The following SH3D21 variants were observed in gnomAD, a reference collection of about 807,000 sequenced individuals.
SH3D21 encodes SH3 domain-containing protein 21.
A neutral mutation model predicts 82.1 loss-of-function variants in SH3D21; 83 were observed. The observed-to-expected ratio is 1.01, with a 90% CI of 0.85 to 1.21. The LOEUF (loss-of-function observed/expected upper bound fraction) is 1.21, where lower values mean the gene tolerates loss of function less well. SH3D21 is among the 50% of genes most tolerant of loss of function. The pLI is 0.00. For synonymous variants in SH3D21, 383 were observed against 387.8 expected (o/e 0.99, Z 0.15); for missense variants, 980 against 962.1 (o/e 1.02, Z -0.25).
intron 10 of SH3D21, among the ~76,000 whole-genome samples, chr1:36,313,042 G>A (rs891593966): frequency 6.6e-6 from 1 of 152,014 alleles, no homozygotes; most frequent in African/African-American, 2.4e-5. Flanking sequence ...AGATGGGAAT[G>A]GGCCAGGCTT....
chr1:36,322,574 C>A, downstream of SH3D21: 1 of 1,584,606 alleles, frequency 6.3e-7, no homozygotes, highest in East Asian at 2.3e-5. Flanking sequence ...CCTCGGGCTC[C>A]AGGGTGCTGC....
intron 10 of SH3D21, among the ~76,000 whole-genome samples, chr1:36,314,643 G>GA (rs1407483969): frequency 1.3e-5 from 2 of 151,880 alleles, no homozygotes; most frequent in African/African-American, 4.8e-5. Flanking sequence ...TTTTAGTAGA[G>GA]ATGGGGTTTT....
chr1:36,307,560 GA>G lies in SH3D21; in HGVS notation c.390del (p.Ala131ProfsTer35), dbSNP rs1390824429. The part of the protein sequence containing the change: ...WWLGKKNGQL[G>X]AFPSNFVELL... ...CTGGGGAAGAAGAACGGGCAGCTGG[GA>G]GCCTTCCCATCCAACTTTGTGGAAT... On this transcript the variant is annotated frameshift_variant, in exon 5 of 16. Coordinates refer to ENST00000453908, the MANE Select transcript of SH3D21 (RefSeq NM_001162530.2). LOFTEE classifies it high-confidence loss of function. This position sits in a 1 kb window ranked among gnomAD's most constrained non-coding sequence, Gnocchi z 5.4. 6.4e-7 allele frequency: 1 copy of G among 1,551,672 alleles called. No homozygotes were observed. Among genetic ancestry groups the G allele is most frequent in the Non-Finnish European group, 8.7e-7 (1 of 1,146,986 alleles).
chr1:36,310,935 GTC>G (rs1440933973), intron 10 of SH3D21, among the ~76,000 whole-genome samples: 1 of 151,986 alleles, frequency 6.6e-6, no homozygotes, highest in Non-Finnish European at 1.5e-5. Context: ...TGGAGACAGA[GTC>G]TCTCTCTGTT....
At chr1:36,322,768 TG>T (rs1646489932), downstream of SH3D21, 4 of 1,530,160 alleles carry the variant, frequency 2.6e-6, no homozygotes, top group East Asian at 4.9e-5. Flanking sequence ...CCCGGACGGG[TG>T]GGGGTTGTCC....
Position 36,307,027 on chromosome 1 carries a change from CTG to C in SH3D21, c.226+125_226+126del. ...CGGGACCTCGGGGCCGCCCTGCGGT[CTG>C]TGATTGGTTCTCGAGTGCAATGCTC... On this transcript the variant is annotated intron_variant, in intron 3 of 15. Coordinates refer to ENST00000453908, the MANE Select transcript of SH3D21 (RefSeq NM_001162530.2). The surrounding 1 kb of genome is among the most constrained non-coding windows in gnomAD (Gnocchi z 5.4). 1 of 1,443,208 alleles carries C rather than the reference CTG, an allele frequency of 6.9e-7. No individual in the cohort carries two copies. Among genetic ancestry groups the C allele is most frequent in the Non-Finnish European group, 9.1e-7 (1 of 1,094,494 alleles). The allele number at this position is 1,443,208 out of a possible 1,614,324, so 89.4% of individuals were successfully genotyped here.
rs1038667705 is a variant in SH3D21 at position 36,319,959 on chromosome 1, C to A, written c.1296C>A (p.Ser432=). 2.5e-6 allele frequency: 4 copies of A among 1,614,128 alleles called. No individual in the cohort carries two copies. The highest frequency in any genetic ancestry group is 3.4e-6 in the Non-Finnish European group (4 of 1,180,036). The change falls in exon 14 of 16, where the codon TCC becomes TCA. Residue 432 remains serine (S), a synonymous_variant. Coordinates refer to ENST00000453908, the MANE Select transcript of SH3D21 (RefSeq NM_001162530.2). ...PEDKASIPEN[S]IIPEETLTVD... The stretch of plus-strand genomic sequence containing the variant: ...ACAAGGCTTCTATCCCAGAGAACTC[C>A]ATCATCCCAGAGGAGACCCTGACTG...
At chr1:36,321,459 GC>G, downstream of SH3D21, 1 of 1,055,952 alleles carries the variant, frequency 9.5e-7, no homozygotes, top group Non-Finnish European at 1.2e-6. This position sits in a 1 kb window ranked among gnomAD's most constrained non-coding sequence, Gnocchi z 6.1. Flanking sequence ...AGGGGCCCAG[GC>G]GGGGTCGGGC....
chr1:36,314,348 A>C (rs561260064), intron 10 of SH3D21, among the ~76,000 whole-genome samples: 1 of 152,048 alleles, frequency 6.6e-6, no homozygotes, highest in East Asian at 1.9e-4. Flanking sequence ...CCATTTAAAA[A>C]ATTGGATTAT....
In SH3D21 at chr1:36,309,574, G is replaced by A. The variant is rs1206949701; in HGVS notation, c.753G>A (p.Val251=). The A allele has an allele frequency of 2.6e-6, 4 of 1,551,656 alleles. No homozygotes were observed. The highest frequency in any genetic ancestry group is 3.5e-6 in the Non-Finnish European group (4 of 1,146,964). Residue 251 remains valine, a synonymous_variant, in exon 10 of 16, where the codon GTG becomes GTA. Coordinates refer to ENST00000453908, the MANE Select transcript of SH3D21 (RefSeq NM_001162530.2). ...PPIKKLVPRK[V]VSRESAPIKE... ...TCAAGAAGCTGGTCCCACGGAAAGT[G>A]GTATCTCGGGAATCAGGTGAGTGCC...
Position 36,321,066 on chromosome 1 carries a change from T to G in SH3D21, c.2210T>G (p.Met737Arg). The change falls in exon 16 of 16, where the codon ATG becomes AGG. Residue 737 changes from methionine (M) to arginine (R), a missense_variant. Physicochemically the swap from Met to Arg is moderately conservative, Grantham distance 91 (BLOSUM62 -1). Transcript: ENST00000453908. This position sits in a 1 kb window ranked among gnomAD's most constrained non-coding sequence, Gnocchi z 6.1. Reference sequence around the variant, plus strand: ...CTCACTCCCGACCAGGTCCAGGTGATGCAGGGGACCCAGAAGTCCCAGACC... The same window carrying G: ...CTCACTCCCGACCAGGTCCAGGTGAGGCAGGGGACCCAGAAGTCCCAGACC... The part of the protein sequence containing the change: ...EQRRRLEVQV[M>R]QGTQKSQTPR... The G allele has an allele frequency of 6.2e-7, 1 of 1,611,948 alleles. No individual in the cohort carries two copies. The highest frequency in any genetic ancestry group is 8.5e-7 in the Non-Finnish European group (1 of 1,179,326).
intron 10 of SH3D21, among the ~76,000 whole-genome samples, chr1:36,313,972 C>CTTTTTTTTTTTTTTTTTTTGTTT (rs1646291919): frequency 2.7e-5 from 1 of 36,784 alleles, no homozygotes; most frequent in African/African-American, 7.5e-5. Flanking sequence ...AACATATTTT[C>CTTTTTTTTTTTTTTTTTTTGTTT]TTTTTTTTTT....
chr1:36,315,241 A>C (rs1157710775), intron 10 of SH3D21, among the ~76,000 whole-genome samples: 3 of 151,550 alleles, frequency 2.0e-5, no homozygotes, highest in African/African-American at 7.3e-5. Context: ...ACGCCACTGC[A>C]CTCCAGCCTA....
intron 10 of SH3D21, among the ~76,000 whole-genome samples, chr1:36,315,222 G>C (rs1646320800): frequency 6.6e-6 from 1 of 151,754 alleles, no homozygotes; most frequent in South Asian, 2.1e-4. Flanking sequence ...GTTGTAGTGA[G>C]CCAAGATCAC....
chr1:36,321,180 C>G lies in SH3D21; in HGVS notation c.*53C>G. On this transcript the variant is annotated 3_prime_UTR_variant, in exon 16 of 16. Coordinates refer to ENST00000453908, the MANE Select transcript of SH3D21 (RefSeq NM_001162530.2). The surrounding 1 kb of genome is among the most constrained non-coding windows in gnomAD (Gnocchi z 6.1). The stretch of plus-strand genomic sequence containing the variant: ...TGACCTGGCTGGGGCCACCCACGTC[C>G]TTGCACACGACTTTGGGAAACGCGA... The G allele has an allele frequency of 1.3e-6, 2 of 1,584,210 alleles. No individual in the cohort carries two copies. The highest frequency in any genetic ancestry group is 1.3e-5 in the African/African-American group (1 of 74,400).
rs545127636 is a variant in SH3D21, at chr1:36,306,792, C to A, written c.162+37C>A. 78 of 1,291,204 alleles carry A rather than the reference C, an allele frequency of 6.0e-5. No homozygotes were observed. The Admixed American group carries it at 1.8e-3, about 29-fold the overall frequency. 80.0% of individuals were successfully genotyped at this position (1,291,204 alleles called of 1,614,324 possible). A position where few individuals can be genotyped will look rare whatever the true frequency, so the allele number is the denominator to read the frequency against. Reference sequence around the variant, plus strand: ...CCAGGGGCGGGCTGTGGGGTCTCAGCGCGCGCCCCCCGGGAGCTGAGAGCG... The same window carrying A: ...CCAGGGGCGGGCTGTGGGGTCTCAGAGCGCGCCCCCCGGGAGCTGAGAGCG... On this transcript the variant is annotated intron_variant, in intron 2 of 15. Coordinates refer to ENST00000453908, the MANE Select transcript of SH3D21 (RefSeq NM_001162530.2). This position sits in a 1 kb window ranked among gnomAD's most constrained non-coding sequence, Gnocchi z 4.5.
chr1:36,319,099 G>T lies in SH3D21; in HGVS notation c.798G>T (p.Met266Ile). 2 of 1,551,290 alleles carry T rather than the reference G, an allele frequency of 1.3e-6. No homozygotes were observed. Among genetic ancestry groups the T allele is most frequent in the South Asian group, 1.2e-5 (1 of 84,044 alleles). ...CTATTAAGGAACCAAAAAAGTTGAT[G>T]CCCAAAACATCCCTCCCCACAGTCA... ...SAPIKEPKKL[M>I]PKTSLPTVKK... The change falls in exon 11 of 16, where the codon ATG becomes ATT. Residue 266 changes from methionine (M) to isoleucine (I), a missense_variant. Coordinates refer to ENST00000453908, the MANE Select transcript of SH3D21 (RefSeq NM_001162530.2).
At chr1:36,316,923 C>T (rs4363401) in intron 10 of SH3D21, among the ~76,000 whole-genome samples, 25 of 152,094 alleles carry the variant, frequency 1.6e-4, no homozygotes, top group Non-Finnish European at 3.5e-4. Flanking sequence ...GGATTACAGG[C>T]GTGAGCCACT....
chr1:36,319,491 G>A lies in SH3D21; in HGVS notation c.966G>A (p.Lys322=). Reference sequence around the variant, plus strand: ...GGGGTTCGTATCACCCTGGCCGAAAGCGATCCAAAACCCAGACTCCCCAGC... The same window carrying A: ...GGGGTTCGTATCACCCTGGCCGAAAACGATCCAAAACCCAGACTCCCCAGC... ...QSGGSYHPGR[K]RSKTQTPQQR... The change falls in exon 13 of 16, where the codon AAG becomes AAA. Residue 322 remains lysine, a synonymous_variant. Coordinates refer to ENST00000453908, the MANE Select transcript of SH3D21 (RefSeq NM_001162530.2). The A allele has an allele frequency of 1.3e-6, 2 of 1,551,668 alleles. No individual in the cohort carries two copies. The highest frequency in any genetic ancestry group is 1.7e-6 in the Non-Finnish European group (2 of 1,146,990).
Sources: allele counts gnomAD v4.1 joint callset (sites outside exome capture counted in the v4.1 genomes callset), GRCh38; gene constraint gnomAD v4.1.1; non-coding constraint Gnocchi (gnomAD v3.1); transcripts MANE v1.5; gene names NCBI Gene and HGNC (gene_info 2026-07-23, HGNC 2026-07-21).